PUDP: variants seen among roughly 807,000 people sequenced by gnomAD.
The protein encoded by PUDP is pseudouridine 5'-phosphatase.
A neutral mutation model predicts 9.4 loss-of-function variants in PUDP; 8 were observed. The ratio of observed to expected loss-of-function variants is 0.85; its 90% CI spans 0.50 to 1.53. PUDP has a LOEUF of 1.53. Among genes scored for constraint, PUDP ranks in the 40% most tolerant of loss-of-function variants. The pLI is 0.00. For synonymous variants in PUDP, 99 were observed against 80.7 expected, an observed-to-expected ratio of 1.23 and a Z score of -1.22; for missense variants, 188 against 189.7, an observed-to-expected ratio of 0.99 and a Z score of 0.05.
At chrX:6,975,318 T>G (rs1030489250) in intron 3 of PUDP, among the ~76,000 whole-genome samples, 13 of 111,508 alleles carry the variant, frequency 1.2e-4, no homozygotes, top group Non-Finnish European at 7.5e-5. Context: ...TCAGCCTTTT[T>G]ATACTGGTTT....
At chrX:7,104,544 T>C (rs776203298) in intron 2 of PUDP, among the ~76,000 whole-genome samples, 19 of 112,196 alleles carry the variant, frequency 1.7e-4, no homozygotes, top group Non-Finnish European at 3.4e-4. Flanking sequence ...TGGTAAATTT[T>C]AGTGTGTGTG....
chrX:6,987,908 A>G (rs1464123754), intron 1 of PUDP, among the ~76,000 whole-genome samples: 1 of 111,873 alleles, frequency 8.9e-6, no homozygotes, highest in Admixed American at 9.5e-5. Flanking sequence ...ATTTCATTTA[A>G]TCTTATAGGT....
At chrX:6,930,147 G>A (rs1928167003) in intron 3 of PUDP, among the ~76,000 whole-genome samples, 1 of 110,786 alleles carries the variant, frequency 9.0e-6, no homozygotes, top group Non-Finnish European at 1.9e-5. Context: ...CAAGGTGGGG[G>A]GGTGTTGCTT....
intron 1 of PUDP, among the ~76,000 whole-genome samples, chrX:6,710,506 C>T (rs1924519318): frequency 8.9e-6 from 1 of 111,808 alleles, no homozygotes; most frequent in Non-Finnish European, 1.9e-5. Context: ...GGACTCACAT[C>T]CCCTAAGTCA....
chrX:6,793,803 A>G lies in PUDP; in HGVS notation c.*248-87337T>C, dbSNP rs762453773. Among the ~76,000 whole-genome samples, 305 of 109,141 alleles carry G rather than the reference A, an allele frequency of 2.8e-3. 3 individuals are homozygous for G. Among genetic ancestry groups the G allele is most frequent in the Non-Finnish European group, 4.6e-3 (235 of 51,013 alleles). The allele number at this position is 109,141 out of a possible 115,157, so 94.8% of individuals were successfully genotyped here. A position where few individuals can be genotyped will look rare whatever the true frequency, so the allele number is the denominator to read the frequency against. On this transcript the variant is annotated intron_variant and NMD_transcript_variant, in intron 3 of 3. Transcript: ENST00000655425. ...GAGGAATAGAAAACAAGTTGATAGG[A>G]AAGGATAGGCTGGGGGCAGTCTTAA...
intron 1 of PUDP, among the ~76,000 whole-genome samples, chrX:7,125,206 T>C (rs1364601187): frequency 5.4e-5 from 6 of 111,457 alleles, no homozygotes; most frequent in Non-Finnish European, 7.5e-5. Context: ...CCCAGCATGC[T>C]AGGCCTTCGT....
chrX:7,010,880 A>G (rs1929467295), intron 1 of PUDP, among the ~76,000 whole-genome samples: 3 of 111,852 alleles, frequency 2.7e-5, no homozygotes, highest in South Asian at 7.5e-4. Context: ...CCTTTATTCA[A>G]TACAGCACAG....
chrX:6,790,868 G>A (rs1016629284), intron 3 of PUDP, among the ~76,000 whole-genome samples: 2 of 112,152 alleles, frequency 1.8e-5, no homozygotes, highest in African/African-American at 6.5e-5. Flanking sequence ...CATTTGTTTA[G>A]CAGATGTAGA....
At chrX:7,089,131 G>T (rs1318193474) in intron 2 of PUDP, among the ~76,000 whole-genome samples, 4 of 111,288 alleles carry the variant, frequency 3.6e-5, no homozygotes, top group Admixed American at 9.5e-5. Flanking sequence ...GGGCTGAGCC[G>T]CCAGGCAGAT....
intron 3 of PUDP, among the ~76,000 whole-genome samples, chrX:6,751,181 AAAAG>A (rs753977935): frequency 2.5e-4 from 28 of 110,136 alleles, no homozygotes; most frequent in Middle Eastern, 9.2e-3. Context: ...AAGAAAGAAA[AAAAG>A]AAAGAAAGAA....
intron 1 of PUDP, among the ~76,000 whole-genome samples, chrX:7,122,690 T>TA (rs1300432162): frequency 1.8e-5 from 2 of 111,872 alleles, no homozygotes; most frequent in African/African-American, 6.5e-5. Context: ...AGGGATGACT[T>TA]ATAAAGACTG....
chrX:7,050,005 C>A lies in PUDP; in HGVS notation c.*291G>T. ...GGAGGTGTGTGTGTATATACATGTA[C>A]ATTCACTTTATCACATACTCCATCA... On this transcript the variant is annotated 3_prime_UTR_variant, in exon 4 of 4. Transcript: ENST00000381077. The A allele has an allele frequency of 3.3e-6, 1 of 305,289 alleles. No individual in the cohort carries two copies. Among genetic ancestry groups the A allele is most frequent in the Non-Finnish European group, 5.7e-6 (1 of 174,037 alleles). The allele number at this position is 305,289 out of a possible 1,213,427, so 25.2% of individuals were successfully genotyped here.
At chrX:7,089,240 G>A (rs1484848613) in intron 2 of PUDP, among the ~76,000 whole-genome samples, 4 of 111,523 alleles carry the variant, frequency 3.6e-5, no homozygotes, top group African/African-American at 9.8e-5. Context: ...AGTGGGCCTC[G>A]AAATGTTGGT....
At chrX:6,868,389 C>A (rs766843924) in intron 3 of PUDP, among the ~76,000 whole-genome samples, 1 of 111,742 alleles carries the variant, frequency 8.9e-6, no homozygotes, top group African/African-American at 3.3e-5. Context: ...TTGAACAGGT[C>A]TAAAGGTTCA....
intron 3 of PUDP, among the ~76,000 whole-genome samples, chrX:6,973,399 T>C (rs1049191691): frequency 8.9e-6 from 1 of 112,097 alleles, no homozygotes; most frequent in African/African-American, 3.2e-5. Context: ...TAGATTTTTG[T>C]ATGTTGTGTC....
At chrX:6,875,837 A>G (rs1406725450) in intron 3 of PUDP, among the ~76,000 whole-genome samples, 1 of 112,317 alleles carries the variant, frequency 8.9e-6, no homozygotes, top group East Asian at 2.8e-4. Flanking sequence ...AATACATGCC[A>G]AGTCAGTCAG....
intron 3 of PUDP, among the ~76,000 whole-genome samples, chrX:6,787,804 C>T (rs1925671928): frequency 8.9e-6 from 1 of 112,161 alleles, no homozygotes; most frequent in Admixed American, 9.5e-5. Flanking sequence ...TTATTTTAAG[C>T]TTTGAACTCA....
At chrX:6,913,444 G>A (rs1353494355) in intron 3 of PUDP, among the ~76,000 whole-genome samples, 1 of 111,585 alleles carries the variant, frequency 9.0e-6, no homozygotes, top group Non-Finnish European at 1.9e-5. Context: ...CTTTTTTGGG[G>A]AGATACTCCA....
chrX:7,036,201 CT>C (rs1476851495), intron 1 of PUDP, among the ~76,000 whole-genome samples: 1 of 111,999 alleles, frequency 8.9e-6, no homozygotes, highest in Non-Finnish European at 1.9e-5. Context: ...GGGACAAGGA[CT>C]TTTTATATCT....
Sources: allele counts gnomAD v4.1 joint callset (sites outside exome capture counted in the v4.1 genomes callset), GRCh38; gene constraint gnomAD v4.1.1; transcripts MANE v1.5; gene names NCBI Gene and HGNC (gene_info 2026-07-23, HGNC 2026-07-21).